The following RNF19A variants were observed in gnomAD, a reference collection of about 807,000 sequenced individuals.
The protein encoded by RNF19A is ring finger protein 19A, RBR E3 ubiquitin protein ligase.
RNF19A carries 32 observed loss-of-function variants against 75.7 expected under a neutral mutation model. That is an observed-to-expected ratio of 0.42 (90% CI 0.32 to 0.57). The LOEUF (loss-of-function observed/expected upper bound fraction) is 0.57. RNF19A is among the 20% of genes least tolerant of loss of function. The pLI, the probability that RNF19A is intolerant of heterozygous loss-of-function variation, is 0.10. For missense variants in RNF19A, 782 were observed against 1,036.3 expected (o/e 0.75, Z 3.37); for synonymous variants, 335 against 345.2 (o/e 0.97, Z 0.33).
At chr8:100,286,809 G>A (rs1273467303) in intron 2 of RNF19A, among the ~76,000 whole-genome samples, 2 of 152,144 alleles carry the variant, frequency 1.3e-5, no homozygotes, top group African/African-American at 4.8e-5. Context: ...TTCCTGAATA[G>A]TATATGACTA....
intron 1 of RNF19A, among the ~76,000 whole-genome samples, chr8:100,299,988 T>A (rs1025147494): frequency 6.6e-6 from 1 of 152,170 alleles, no homozygotes; most frequent in Non-Finnish European, 1.5e-5. Flanking sequence ...GAATGATATA[T>A]GTACATAGGA....
intron 5 of RNF19A, among the ~76,000 whole-genome samples, chr8:100,266,840 C>T (rs1275118485): frequency 2.0e-5 from 3 of 152,150 alleles, no homozygotes; most frequent in African/African-American, 7.2e-5. Flanking sequence ...CAGGTTTACT[C>T]ACTTAAAACC....
intron 1 of RNF19A, among the ~76,000 whole-genome samples, chr8:100,320,899 CTAT>C (rs1186049602): frequency 6.6e-6 from 1 of 152,096 alleles, no homozygotes; most frequent in Non-Finnish European, 1.5e-5. Flanking sequence ...ATATTGTGGG[CTAT>C]TAAGTGTGCA....
chr8:100,291,354 G>A (rs185978322), intron 1 of RNF19A, among the ~76,000 whole-genome samples: 11 of 152,350 alleles, frequency 7.2e-5, no homozygotes, highest in Admixed American at 3.9e-4. Flanking sequence ...TTAAATGAAT[G>A]AATGATGCTT....
upstream of RNF19A, among the ~76,000 whole-genome samples, chr8:100,313,902 C>CTTTTTTTTTTTTTTTTTTTTTT (rs371385291): frequency 7.5e-6 from 1 of 132,608 alleles, no homozygotes. Flanking sequence ...AAGAGAACTA[C>CTTTTTTTTTTTTTTTTTTTTTT]TTTTTTTTTG....
At chr8:100,334,958 G>T (rs77715411) in intron 1 of RNF19A, among the ~76,000 whole-genome samples, 2,914 of 152,262 alleles carry the variant, frequency 0.019, 86 homozygotes, top group African/African-American at 0.066. Flanking sequence ...CAGCACTAGG[G>T]TTAAAATAAG....
rs572388688 is a variant in RNF19A at position 100,261,076 on chromosome 8, G to C, written c.1682+466C>G. Among the ~76,000 whole-genome samples the C allele has an allele frequency of 1.8e-4, 27 of 152,084 alleles. No individual in the cohort carries two copies. The highest frequency in any genetic ancestry group is 6.3e-4 in the African/African-American group (26 of 41,518). ...AAAATTGGCAGAATGTTATTCCTTA[G>C]ACTTAGAAATCTACCACCAAATTTT... On this transcript the variant is annotated intron_variant, in intron 8 of 9. Transcript: ENST00000341084. The surrounding 1 kb of genome is among the most constrained non-coding windows in gnomAD (Gnocchi z 4.4).
At chr8:100,309,007 T>C (rs941469677) in intron 1 of RNF19A, among the ~76,000 whole-genome samples, 5 of 152,348 alleles carry the variant, frequency 3.3e-5, no homozygotes, top group African/African-American at 1.2e-4. Flanking sequence ...CCTCTTTTTA[T>C]TTACTGCCCT....
intron 5 of RNF19A, among the ~76,000 whole-genome samples, chr8:100,267,558 T>TG (rs1258961176): frequency 5.9e-5 from 9 of 151,998 alleles, no homozygotes; most frequent in African/African-American, 1.4e-4. Flanking sequence ...TTTTGAGAGA[T>TG]GGGGTCTCAC....
chr8:100,335,318 G>T (rs897068543), intron 1 of RNF19A, among the ~76,000 whole-genome samples: 7 of 152,178 alleles, frequency 4.6e-5, no homozygotes, highest in Non-Finnish European at 8.8e-5. Context: ...CCCTGTGAAA[G>T]ATGTACTATT....
At chr8:100,303,761 T>TAAAA (rs60110792) in intron 1 of RNF19A, among the ~76,000 whole-genome samples, 1 of 94,358 alleles carries the variant, frequency 1.1e-5, no homozygotes, top group African/African-American at 4.1e-5. Context: ...TCGCCGCTTG[T>TAAAA]AAAAAAAAAA....
intron 1 of RNF19A, among the ~76,000 whole-genome samples, chr8:100,315,646 C>CTT (rs1822361992): frequency 6.6e-6 from 1 of 151,948 alleles, no homozygotes; most frequent in Non-Finnish European, 1.5e-5. Context: ...TCTTCTTCGT[C>CTT]GTCTTGTTGT....
chr8:100,263,051 A>G (rs1327371156), intron 7 of RNF19A, among the ~76,000 whole-genome samples: 2 of 152,176 alleles, frequency 1.3e-5, no homozygotes, highest in Non-Finnish European at 2.9e-5. Context: ...CTTGTTAGAC[A>G]CTCAAGTGCA....
chr8:100,309,811 A>G (rs1822227186), intron 1 of RNF19A, 56 bp downstream of exon 1: 1 of 985,538 alleles, frequency 1.0e-6, no homozygotes, highest in Non-Finnish European at 1.2e-6. Context: ...CGTAAGCGAG[A>G]GCCGCCCCTT....
chr8:100,307,518 A>G (rs190938859), intron 1 of RNF19A, among the ~76,000 whole-genome samples: 163 of 151,984 alleles, frequency 1.1e-3, no homozygotes, highest in Non-Finnish European at 1.6e-3. Context: ...ATAAATCTAA[A>G]TAAGTGTTCA....
intron 1 of RNF19A, among the ~76,000 whole-genome samples, chr8:100,296,411 C>A (rs540184886): frequency 2.0e-5 from 3 of 152,306 alleles, no homozygotes; most frequent in Non-Finnish European, 4.4e-5. Context: ...AGCCTCCGGG[C>A]ATTATTCTTA....
At chr8:100,296,114 T>A (rs1011413977) in intron 1 of RNF19A, among the ~76,000 whole-genome samples, 12 of 152,194 alleles carry the variant, frequency 7.9e-5, no homozygotes, top group Non-Finnish European at 1.5e-4. Context: ...TTTTCCTTTT[T>A]TTCTTTTTTG....
intron 1 of RNF19A, among the ~76,000 whole-genome samples, chr8:100,300,919 A>G (rs1821794448): frequency 6.6e-6 from 1 of 152,206 alleles, no homozygotes; most frequent in Admixed American, 6.5e-5. Context: ...CTAGTCATGT[A>G]AAGGTCCCTG....
At chr8:100,319,945 C>G (rs565459290) in intron 1 of RNF19A, among the ~76,000 whole-genome samples, 290 of 151,282 alleles carry the variant, frequency 1.9e-3, no homozygotes, top group Non-Finnish European at 3.4e-3. Context: ...AAGCAATTCT[C>G]CTCCCTCAGC....
Sources: allele counts gnomAD v4.1 joint callset (sites outside exome capture counted in the v4.1 genomes callset), GRCh38; gene constraint gnomAD v4.1.1; non-coding constraint Gnocchi (gnomAD v3.1); transcripts MANE v1.5; gene names NCBI Gene and HGNC (gene_info 2026-07-23, HGNC 2026-07-21).